Variants in SGMS1 observed in about 807,000 individuals in gnomAD.
SGMS1 encodes the protein sphingomyelin synthase 1.
Under a neutral mutation model 46.2 loss-of-function variants are expected in SGMS1, and 13 were observed. The observed-to-expected ratio is 0.28, with a 90% CI of 0.18 to 0.45. The LOEUF is 0.45. Ranked by LOEUF, SGMS1 falls within the 20% of genes least tolerant of loss-of-function variation. The pLI is 1.00. For missense variants in SGMS1, 324 were observed against 519.9 expected (o/e 0.62, Z 3.66); for synonymous variants, 203 against 187.8 (o/e 1.08, Z -0.66).
intron 1 of SGMS1, among the ~76,000 whole-genome samples, chr10:50,597,618 T>C (rs555129351): frequency 2.0e-5 from 3 of 152,188 alleles, no homozygotes; most frequent in East Asian, 3.9e-4. Context: ...GGAAAGAGGA[T>C]TTAAACTACA....
At chr10:50,382,531 G>A (rs1221576960) in intron 6 of SGMS1, among the ~76,000 whole-genome samples, 1 of 146,338 alleles carries the variant, frequency 6.8e-6, no homozygotes, top group Non-Finnish European at 1.5e-5. Context: ...TTCAAAGGTG[G>A]AGACCCTTCA....
chr10:50,468,615 C>A (rs1277598926), intron 3 of SGMS1, among the ~76,000 whole-genome samples: 1 of 152,172 alleles, frequency 6.6e-6, no homozygotes, highest in Non-Finnish European at 1.5e-5. Flanking sequence ...GAGATAGCCA[C>A]AGATGCAAAG....
chr10:50,421,270 C>T (rs578079780), intron 6 of SGMS1, among the ~76,000 whole-genome samples: 4 of 152,292 alleles, frequency 2.6e-5, no homozygotes, highest in African/African-American at 9.6e-5. Context: ...CCCGCTGGTC[C>T]ACTCCTTGTT....
chr10:50,600,098 C>CA (rs890639422), intron 1 of SGMS1, among the ~76,000 whole-genome samples: 9 of 152,270 alleles, frequency 5.9e-5, no homozygotes, highest in African/African-American at 2.2e-4. Context: ...TAACCAGAAC[C>CA]AGAGGATTGG....
At chr10:50,618,726 T>C (rs936883359) in intron 1 of SGMS1, among the ~76,000 whole-genome samples, 1 of 152,146 alleles carries the variant, frequency 6.6e-6, no homozygotes, top group Non-Finnish European at 1.5e-5. Flanking sequence ...TTTAGCAGTG[T>C]TTAGTAAAAA....
Position 50,474,782 on chromosome 10 carries a change from A to G in SGMS1, c.-497-7850T>C, listed in dbSNP as rs146215595. 8.6e-3 allele frequency among the ~76,000 whole-genome samples: 1,309 copies of G among 152,284 alleles called. 17 individuals are homozygous for G. Among genetic ancestry groups the G allele is most frequent in the African/African-American group, 0.03 (1,246 of 41,556 alleles). On this transcript the variant is annotated intron_variant, in intron 3 of 10. Transcript: ENST00000361781. ...ACAAAACAAAAACTAAGAAGCAGAGAGAGTGCTATCCATTTAGTCATTAGA... is the reference window on the plus strand; with the variant it reads ...ACAAAACAAAAACTAAGAAGCAGAGGGAGTGCTATCCATTTAGTCATTAGA...
chr10:50,608,578 G>A (rs1030954529), intron 1 of SGMS1, among the ~76,000 whole-genome samples: 1 of 152,100 alleles, frequency 6.6e-6, no homozygotes, highest in Non-Finnish European at 1.5e-5. Flanking sequence ...GGAGAGAAAA[G>A]AGAGTTTCAA....
rs537073295 is a variant in SGMS1 at position 50,324,294 on chromosome 10, T to C, written c.741+2911A>G. ...ACTGTCTTAACCTTAACTTTAGTGT[T>C]CTTTTTACTATTAGGTAAGTTTGTA... is the stretch of plus-strand genomic sequence containing the variant. On this transcript the variant is annotated intron_variant, in intron 8 of 10. Transcript: ENST00000361781. Among the ~76,000 whole-genome samples the C allele has an allele frequency of 2.0e-5, 3 of 152,340 alleles. No homozygotes were observed. The South Asian group carries it at 6.2e-4, about 32-fold the overall frequency.
intron 3 of SGMS1, among the ~76,000 whole-genome samples, chr10:50,483,438 C>G (rs1409616868): frequency 6.6e-6 from 1 of 152,126 alleles, no homozygotes; most frequent in Non-Finnish European, 1.5e-5. Context: ...CTCATGATAA[C>G]AGTGGGTGAC....
At chr10:50,331,663 T>G (rs1470384002) in intron 7 of SGMS1, among the ~76,000 whole-genome samples, 1 of 152,220 alleles carries the variant, frequency 6.6e-6, no homozygotes. Flanking sequence ...TTTCTACCTG[T>G]TGTCCTTAAC....
chr10:50,357,693 T>C (rs1848176373), intron 6 of SGMS1, among the ~76,000 whole-genome samples: 1 of 152,170 alleles, frequency 6.6e-6, no homozygotes, highest in African/African-American at 2.4e-5. Context: ...ACATAATACA[T>C]AAAATGTAAG....
intron 3 of SGMS1, among the ~76,000 whole-genome samples, chr10:50,499,360 C>T (rs935274409): frequency 2.0e-5 from 3 of 152,140 alleles, no homozygotes; most frequent in African/African-American, 7.2e-5. Context: ...TGCTCTCTGG[C>T]TCCTAAGAAG....
chr10:50,536,669 T>A (rs1156402645), intron 2 of SGMS1, among the ~76,000 whole-genome samples: 1 of 152,206 alleles, frequency 6.6e-6, no homozygotes, highest in African/African-American at 2.4e-5. Context: ...AGGTCTCTCC[T>A]CCATGTTTAC....
intron 2 of SGMS1, among the ~76,000 whole-genome samples, chr10:50,562,794 T>G (rs1838252996): frequency 6.6e-6 from 1 of 152,172 alleles, no homozygotes; most frequent in Non-Finnish European, 1.5e-5. Flanking sequence ...TCCGCCCGCC[T>G]TGGCCTCCCA....
At chr10:50,309,185 T>G (rs1043103539) in intron 9 of SGMS1, among the ~76,000 whole-genome samples, 25 of 152,174 alleles carry the variant, frequency 1.6e-4, no homozygotes, top group Non-Finnish European at 3.4e-4. Context: ...AAGGGCAGTT[T>G]GCAATTTTAA....
chr10:50,512,695 G>C (rs1306925528), intron 3 of SGMS1, among the ~76,000 whole-genome samples: 1 of 152,236 alleles, frequency 6.6e-6, no homozygotes, highest in Non-Finnish European at 1.5e-5. Flanking sequence ...TCCACATGTA[G>C]AAATGGTTTA....
intron 3 of SGMS1, among the ~76,000 whole-genome samples, chr10:50,487,898 G>A (rs1189121291): frequency 1.3e-5 from 2 of 151,880 alleles, no homozygotes; most frequent in Non-Finnish European, 2.9e-5. Context: ...TATTTTACAA[G>A]TATTTTCACT....
At chr10:50,563,034 C>G (rs1311011632) in intron 2 of SGMS1, among the ~76,000 whole-genome samples, 1 of 152,224 alleles carries the variant, frequency 6.6e-6, no homozygotes, top group Non-Finnish European at 1.5e-5. Context: ...AAGTTCCCGA[C>G]AGCTTCATGA....
At chr10:50,579,120 A>G (rs1257847545) in intron 2 of SGMS1, among the ~76,000 whole-genome samples, 1 of 152,216 alleles carries the variant, frequency 6.6e-6, no homozygotes, top group Non-Finnish European at 1.5e-5. Flanking sequence ...GTAGGATTCT[A>G]TACAATAAAA....
Sources: gnomAD v4.1 joint callset for allele counts (sites outside exome capture counted in the v4.1 genomes callset) on GRCh38, gnomAD v4.1.1 for gene constraint, MANE v1.5 for transcripts, NCBI Gene and HGNC (gene_info 2026-07-23, HGNC 2026-07-21) for gene names.